Variants in UBE2W observed in about 807,000 individuals in gnomAD.
UBE2W encodes ubiquitin conjugating enzyme E2 W.
UBE2W carries 18 observed loss-of-function variants against 27.2 expected under a neutral mutation model. The ratio of observed to expected loss-of-function variants is 0.66; its 90% CI spans 0.46 to 0.98. UBE2W has a LOEUF of 0.98. Among genes scored for constraint, UBE2W ranks in the 50% least tolerant of loss-of-function variants. The pLI is 0.00. For synonymous variants in UBE2W, 53 were observed against 57.2 expected (o/e 0.93, Z 0.33); for missense variants, 90 against 180.2 (o/e 0.50, Z 2.87).
chr8:73,875,253 C>T (rs2131002010), intron 1 of UBE2W, among the ~76,000 whole-genome samples: 1 of 152,276 alleles, frequency 6.6e-6, no homozygotes, highest in South Asian at 2.1e-4. Context: ...CCAGCATTTA[C>T]AGGTGTGCCA....
chr8:73,849,045 C>CA (rs80229283), intron 1 of UBE2W, among the ~76,000 whole-genome samples: 148,968 of 152,148 alleles, frequency 0.98, 72,932 homozygotes, highest in East Asian at 1. Flanking sequence ...GTTTATTAAA[C>CA]AAAAAAAGAA....
At chr8:73,853,045 A>G (rs13277962) in intron 1 of UBE2W, among the ~76,000 whole-genome samples, 36,842 of 152,042 alleles carry the variant, frequency 0.24, 7,575 homozygotes, top group African/African-American at 0.57. Context: ...TTTGCGAGGT[A>G]ACTAGATCAT....
At chr8:73,872,470 T>C (rs977799347) in intron 1 of UBE2W, among the ~76,000 whole-genome samples, 18 of 152,374 alleles carry the variant, frequency 1.2e-4, no homozygotes, top group African/African-American at 3.8e-4. Context: ...ATGTTCTTCA[T>C]AGTATCTTCA....
chr8:73,874,207 G>A (rs918919733), intron 1 of UBE2W, among the ~76,000 whole-genome samples: 1 of 152,110 alleles, frequency 6.6e-6, no homozygotes, highest in Non-Finnish European at 1.5e-5. Context: ...CGAGGCGGGC[G>A]GATCACGAGG....
At chr8:73,798,157 A>C (rs2130851112) in intron 5 of UBE2W, among the ~76,000 whole-genome samples, 1 of 152,194 alleles carries the variant, frequency 6.6e-6, no homozygotes, top group African/African-American at 2.4e-5. Flanking sequence ...TTAGCTAGGC[A>C]TGGTGGTACG....
intron 1 of UBE2W, among the ~76,000 whole-genome samples, chr8:73,833,612 TATC>T (rs1384063231): frequency 2.0e-5 from 3 of 152,160 alleles, no homozygotes; most frequent in Admixed American, 6.6e-5. Flanking sequence ...CTTCCCTTGT[TATC>T]ATCAGTGGAC....
chr8:73,853,865 T>C (rs1462576908), intron 1 of UBE2W, among the ~76,000 whole-genome samples: 1 of 152,038 alleles, frequency 6.6e-6, no homozygotes, highest in Non-Finnish European at 1.5e-5. Flanking sequence ...GTAAAGTAAA[T>C]AAAGCCAGCA....
intron 1 of UBE2W, among the ~76,000 whole-genome samples, chr8:73,841,101 C>G (rs1810517024): frequency 1.3e-5 from 2 of 152,040 alleles, no homozygotes; most frequent in African/African-American, 4.8e-5. Context: ...CATCTAACAA[C>G]CAACTAAAGA....
intron 3 of UBE2W, among the ~76,000 whole-genome samples, chr8:73,811,068 C>T (rs949297883): frequency 6.6e-6 from 1 of 152,086 alleles, no homozygotes; most frequent in South Asian, 2.1e-4. Context: ...CCTACTACTA[C>T]CTGTTAACAA....
chr8:73,878,734 C>A, intron 1 of UBE2W, 74 bp downstream of exon 1: 1 of 1,349,994 alleles, frequency 7.4e-7, no homozygotes, highest in Non-Finnish European at 1.0e-6. Context: ...GAATCGCGGA[C>A]GCCACCCCCG....
chr8:73,821,603 C>T (rs1053740081), intron 3 of UBE2W, among the ~76,000 whole-genome samples: 1 of 146,650 alleles, frequency 6.8e-6, no homozygotes, highest in Non-Finnish European at 1.5e-5. Context: ...GGTATGTAAC[C>T]AGTGAGATAA....
At chr8:73,800,655 T>C (rs1185549995) in intron 5 of UBE2W, among the ~76,000 whole-genome samples, 1 of 152,144 alleles carries the variant, frequency 6.6e-6, no homozygotes, top group African/African-American at 2.4e-5. Flanking sequence ...ATGTGAAAGG[T>C]TAATTTGGTT....
chr8:73,830,395 T>G lies in UBE2W; in HGVS notation c.93A>C (p.Gln31His), dbSNP rs1810023150. The stretch of plus-strand genomic sequence containing the variant: ...TAAATACTTACTGTGTAATTGAATT[T>G]TGAACACTCTTCTCATTTAAGGTCA... ...PGMTLNEKSV[Q>H]NSITQWIVDM... Residue 31 changes from glutamine to histidine, a missense_variant, in exon 2 of 6, where the codon CAA becomes CAC. Coordinates refer to ENST00000602593, the MANE Select transcript of UBE2W (RefSeq NM_018299.6). 1 of 1,612,818 alleles carries G rather than the reference T, an allele frequency of 6.2e-7. No individual in the cohort carries two copies.
intron 4 of UBE2W, among the ~76,000 whole-genome samples, chr8:73,809,149 G>A (rs1034242854): frequency 2.6e-5 from 4 of 152,080 alleles, no homozygotes; most frequent in Non-Finnish European, 5.9e-5. Context: ...GGGTGGGTGA[G>A]AGGAGAAAAT....
chr8:73,832,626 GT>G (rs1235401285), intron 1 of UBE2W, among the ~76,000 whole-genome samples: 2 of 152,234 alleles, frequency 1.3e-5, no homozygotes, highest in Non-Finnish European at 2.9e-5. Context: ...CTATATTGAG[GT>G]TGTAGGTCGA....
chr8:73,815,008 C>T (rs1403896980), intron 3 of UBE2W, among the ~76,000 whole-genome samples: 1 of 152,170 alleles, frequency 6.6e-6, no homozygotes. Context: ...TTTTTGGGTA[C>T]TGTGAATGTA....
chr8:73,842,389 C>T (rs912868058), intron 1 of UBE2W, among the ~76,000 whole-genome samples: 16 of 151,462 alleles, frequency 1.1e-4, no homozygotes, highest in East Asian at 1.9e-4. Flanking sequence ...ATGAGCCGGG[C>T]GTGGTGGCGG....
At chr8:73,800,601 T>G (rs1369111599) in intron 5 of UBE2W, among the ~76,000 whole-genome samples, 1 of 152,150 alleles carries the variant, frequency 6.6e-6, no homozygotes, top group African/African-American at 2.4e-5. Flanking sequence ...AATCTGTTTA[T>G]TGGAAAAACT....
downstream of UBE2W, among the ~76,000 whole-genome samples, chr8:73,785,476 T>C (rs1397019252): frequency 6.6e-6 from 1 of 151,980 alleles, no homozygotes; most frequent in Non-Finnish European, 1.5e-5. Context: ...ATTCAGGGGG[T>C]ACACGTGCAG....
Sources: allele counts gnomAD v4.1 joint callset (sites outside exome capture counted in the v4.1 genomes callset), GRCh38; gene constraint gnomAD v4.1.1; transcripts MANE v1.5; gene names NCBI Gene and HGNC (gene_info 2026-07-23, HGNC 2026-07-21).